The following RBFOX1 variants were observed in gnomAD, a reference collection of about 807,000 sequenced individuals.
RBFOX1 encodes the protein RNA binding fox-1 homolog 1.
In RBFOX1, 8 loss-of-function variants were observed where a neutral mutation model predicts 57.7. The ratio of observed to expected loss-of-function variants is 0.14; its 90% confidence interval spans 0.08 to 0.25. The LOEUF is 0.25. RBFOX1 is among the 10% of genes least tolerant of loss of function. RBFOX1 has a pLI of 1.00. For missense variants in RBFOX1, 611 were observed against 548.5 expected (o/e 1.11, Z -1.14); for synonymous variants, 326 against 222.4 (o/e 1.47, Z -4.15).
At chr16:5,520,381 G>C (rs1397675392) in intron 2 of RBFOX1, among the ~76,000 whole-genome samples, 1 of 152,218 alleles carries the variant, frequency 6.6e-6, no homozygotes, top group Non-Finnish European at 1.5e-5. Flanking sequence ...AAGAGGCAGA[G>C]TGGTACAGCT....
chr16:6,376,302 G>GGTT (rs59682771), intron 2 of RBFOX1, among the ~76,000 whole-genome samples: 83,357 of 151,080 alleles, frequency 0.55, 23,222 homozygotes, highest in Middle Eastern at 0.65. Flanking sequence ...TTTGTTGGTT[G>GGTT]GTTGTTGTTG....
intron 3 of RBFOX1, among the ~76,000 whole-genome samples, chr16:5,794,936 C>G (rs546111648): frequency 6.6e-6 from 1 of 152,272 alleles, no homozygotes; most frequent in South Asian, 2.1e-4. Flanking sequence ...CTGTGGAATT[C>G]CCCAGGCACA....
At chr16:5,378,850 A>G (rs1281189947) in intron 1 of RBFOX1, among the ~76,000 whole-genome samples, 2 of 151,500 alleles carry the variant, frequency 1.3e-5, no homozygotes. Context: ...TTGCACAATA[A>G]ATGTTCATTT....
intron 2 of RBFOX1, among the ~76,000 whole-genome samples, chr16:6,422,568 A>G (rs552752081): frequency 4.6e-5 from 7 of 152,180 alleles, no homozygotes; most frequent in Non-Finnish European, 8.8e-5. Context: ...AGCATAATGG[A>G]TTCTGCTCCT....
rs9925086 is a variant in RBFOX1, at chr16:6,867,241, T to C, written c.-15-184816T>C. 6.9e-3 allele frequency among the ~76,000 whole-genome samples: 1,045 copies of C among 152,196 alleles called. 12 individuals are homozygous for C. Among genetic ancestry groups the C allele is most frequent in the African/African-American group, 0.024 (985 of 41,534 alleles). ...TTCTGTAGGGGAAAAAAAAATACTT[T>C]TTTTCTTCCTTTTTTTTCCTTTCTG... On this transcript the variant is annotated intron_variant, in intron 3 of 15. Transcript: ENST00000550418.
rs528636627 is a variant in RBFOX1 at position 6,938,259 on chromosome 16, A to G, written c.-15-113798A>G. On this transcript the variant is annotated intron_variant, in intron 3 of 15. Coordinates refer to ENST00000550418, the MANE Select transcript of RBFOX1 (RefSeq NM_018723.4). ...AAATATCAGGTAGGTTGCAGATACA[A>G]TAATGCTGCGCAGATCTTTAGCCTT... Among the ~76,000 whole-genome samples the G allele has an allele frequency of 3.3e-5, 5 of 152,204 alleles. No homozygotes were observed. In the South Asian group the frequency reaches 8.3e-4, roughly 25 times the overall value.
intron 4 of RBFOX1, among the ~76,000 whole-genome samples, chr16:5,948,603 G>T (rs553287738): frequency 2.6e-5 from 4 of 152,188 alleles, no homozygotes; most frequent in African/African-American, 9.7e-5. Context: ...AAGGCCGTGC[G>T]ATGGCAGAGG....
At chr16:7,156,098 C>G (rs1028711177) in intron 4 of RBFOX1, among the ~76,000 whole-genome samples, 1 of 151,882 alleles carries the variant, frequency 6.6e-6, no homozygotes, top group African/African-American at 2.4e-5. Context: ...TCTCAAACTC[C>G]TGGGCTTAAG....
chr16:6,059,889 A>G (rs1001810628), intron 1 of RBFOX1, among the ~76,000 whole-genome samples: 35 of 152,120 alleles, frequency 2.3e-4, no homozygotes, highest in Admixed American at 2.2e-3. Flanking sequence ...ACTTGATGAG[A>G]GAATAAAGGA....
At chr16:7,028,027 A>C (rs546277465) in intron 3 of RBFOX1, among the ~76,000 whole-genome samples, 1 of 152,132 alleles carries the variant, frequency 6.6e-6, no homozygotes, top group East Asian at 1.9e-4. Context: ...AAAGAAAGGA[A>C]GCCTTATTTA....
At chr16:5,258,377 C>T (rs191125162) in intron 1 of RBFOX1, among the ~76,000 whole-genome samples, 59 of 151,576 alleles carry the variant, frequency 3.9e-4, no homozygotes, top group Admixed American at 1.3e-3. Context: ...ATATTCACCC[C>T]TATGTAATTT....
At chr16:7,303,897 C>T (rs1027474662) in intron 4 of RBFOX1, among the ~76,000 whole-genome samples, 3 of 146,488 alleles carry the variant, frequency 2.0e-5, no homozygotes, top group Admixed American at 6.8e-5. Flanking sequence ...TCAGCCTCTT[C>T]GGGAGGGCAG....
At chr16:7,433,976 A>G (rs1013929178) in intron 4 of RBFOX1, among the ~76,000 whole-genome samples, 1 of 152,202 alleles carries the variant, frequency 6.6e-6, no homozygotes, top group African/African-American at 2.4e-5. Context: ...AATTTTGAGT[A>G]TTTGTGAGAA....
chr16:7,684,164 T>A (rs1247880978), intron 14 of RBFOX1, among the ~76,000 whole-genome samples: 1 of 152,144 alleles, frequency 6.6e-6, no homozygotes, highest in Non-Finnish European at 1.5e-5. Flanking sequence ...TCTAATTTAT[T>A]TCCACTTTTG....
At chr16:7,450,634 C>A (rs1190377676) in intron 4 of RBFOX1, among the ~76,000 whole-genome samples, 1 of 152,080 alleles carries the variant, frequency 6.6e-6, no homozygotes, top group East Asian at 1.9e-4. Flanking sequence ...TTCCAGACCT[C>A]TCCCCTTTTT....
chr16:7,418,361 T>C (rs972598218), intron 4 of RBFOX1, among the ~76,000 whole-genome samples: 1 of 152,210 alleles, frequency 6.6e-6, no homozygotes, highest in African/African-American at 2.4e-5. Context: ...TCCTGGTGTC[T>C]TGTGTGGCAA....
At chr16:6,957,185 G>A (rs562903000) in intron 3 of RBFOX1, among the ~76,000 whole-genome samples, 1 of 146,628 alleles carries the variant, frequency 6.8e-6, no homozygotes, top group South Asian at 2.2e-4. Flanking sequence ...AGGCTGCAGT[G>A]CAGTGGTGTG....
chr16:6,780,454 T>TTATATATATA (rs1567217635), intron 3 of RBFOX1, among the ~76,000 whole-genome samples: 2 of 100,090 alleles, frequency 2.0e-5, no homozygotes, highest in Non-Finnish European at 3.6e-5. Context: ...ATATATACAT[T>TTATATATATA]TTTATATATA....
intron 3 of RBFOX1, among the ~76,000 whole-genome samples, chr16:6,732,845 C>A (rs940591266): frequency 3.9e-5 from 6 of 152,086 alleles, no homozygotes; most frequent in Admixed American, 3.3e-4. Context: ...CCTTGGACAG[C>A]CATTATGTAA....
Sources: gnomAD v4.1 joint callset for allele counts (sites outside exome capture counted in the v4.1 genomes callset) on GRCh38, gnomAD v4.1.1 for gene constraint, MANE v1.5 for transcripts, NCBI Gene and HGNC (gene_info 2026-07-23, HGNC 2026-07-21) for gene names.